The following LARGE1 variants were observed in gnomAD, a reference collection of about 807,000 sequenced individuals.
LARGE1 encodes xylosyl- and glucuronyltransferase LARGE1.
Under a neutral mutation model 87.6 loss-of-function variants are expected in LARGE1, and 43 were observed. The ratio of observed to expected loss-of-function variants is 0.49; its 90% CI spans 0.38 to 0.63. The LOEUF (loss-of-function observed/expected upper bound fraction) is 0.63. Among genes scored for constraint, LARGE1 ranks in the 30% least tolerant of loss-of-function variants. The pLI is 0.00. For synonymous variants in LARGE1, 434 were observed against 394.6 expected, an observed-to-expected ratio of 1.10 and a Z score of -1.18; for missense variants, 802 against 1,000.2, an observed-to-expected ratio of 0.80 and a Z score of 2.67.
At chr22:33,456,496 T>C (rs2068136502) in intron 6 of LARGE1, among the ~76,000 whole-genome samples, 1 of 152,260 alleles carries the variant, frequency 6.6e-6, no homozygotes, top group Admixed American at 6.5e-5. Context: ...CATCAAAGCA[T>C]GGAATAAGGC....
At chr22:33,733,064 C>G (rs942661608) in intron 2 of LARGE1, 2 of 152,246 alleles carry the variant, frequency 1.3e-5, no homozygotes, top group Non-Finnish European at 2.9e-5. Flanking sequence ...ATTTACCATT[C>G]TGCTCATGAA....
At chr22:33,316,331 C>A (rs1029238298) in intron 10 of LARGE1, 83 bp from the exon 11 acceptor site, 6 of 1,400,304 alleles carry the variant, frequency 4.3e-6, no homozygotes, top group Non-Finnish European at 4.9e-6. Context: ...CCCTGCCCTC[C>A]CCTGAGTTTA....
intron 11 of LARGE1, among the ~76,000 whole-genome samples, chr22:33,202,859 C>G (rs562056831): frequency 1.3e-5 from 2 of 152,138 alleles, no homozygotes; most frequent in African/African-American, 2.4e-5. Context: ...GTGGAAAAGA[C>G]AGCACCTAAA....
chr22:33,103,023 C>T, the LARGE1 span, among the ~76,000 whole-genome samples: 9 of 152,102 alleles, frequency 5.9e-5, no homozygotes, highest in South Asian at 2.1e-4. Flanking sequence ...GGATCTCCCG[C>T]GGCCCCTGCC....
chr22:33,286,527 A>G lies in LARGE1; in HGVS notation c.1731-3179T>C, dbSNP rs185097815. On this transcript the variant is annotated intron_variant, in intron 12 of 14. Coordinates refer to ENST00000397394, the MANE Select transcript of LARGE1 (RefSeq NM_133642.5). ...CCAGGCACTTGAAGATACAGGGTGA[A>G]AAGAACAAGCAAAGTCTCTGCCCGC... Among the ~76,000 whole-genome samples the G allele has an allele frequency of 3.9e-5, 6 of 152,326 alleles. No individual in the cohort carries two copies. In the East Asian group the frequency reaches 1.2e-3, roughly 29 times the overall value.
At chr22:33,604,590 GGA>G (rs760287576) in intron 4 of LARGE1, 32 bp from the exon 5 acceptor site, 1 of 1,613,756 alleles carries the variant, frequency 6.2e-7, no homozygotes, top group Non-Finnish European at 8.5e-7. Context: ...AGGGTCAGGT[GGA>G]GAGGTACGGC....
chr22:33,538,245 A>G lies in LARGE1; in HGVS notation c.787+26603T>C, dbSNP rs555487778. On this transcript the variant is annotated intron_variant, in intron 6 of 14. Transcript: ENST00000397394. ...CCCAAGTGGAAGTAACTCTCCTTCA[A>G]CTATGCCTGCACCATGCTTTTGGAA... Among the ~76,000 whole-genome samples, 5 of 152,276 alleles carry G rather than the reference A, an allele frequency of 3.3e-5. No homozygotes were observed. The South Asian group carries it at 8.3e-4, about 25-fold the overall frequency.
intron 11 of LARGE1, among the ~76,000 whole-genome samples, chr22:33,306,829 G>A (rs1276263764): frequency 1.4e-5 from 2 of 145,866 alleles, no homozygotes; most frequent in African/African-American, 2.6e-5. Flanking sequence ...AGCTGAGATC[G>A]CACCATTGCA....
chr22:33,414,282 T>C (rs979322359), intron 7 of LARGE1, among the ~76,000 whole-genome samples: 2 of 152,138 alleles, frequency 1.3e-5, no homozygotes, highest in African/African-American at 2.4e-5. Context: ...AGGCAAAGAA[T>C]AGAATCATGA....
In LARGE1 at chr22:33,762,253, A is replaced by T. The variant is rs1336333074; in HGVS notation, c.-82-695T>A. 2.7e-5 allele frequency among the ~76,000 whole-genome samples: 4 copies of T among 145,484 alleles called. No homozygotes were observed. In the East Asian group the frequency reaches 8.6e-4, roughly 31 times the overall value. On this transcript the variant is annotated intron_variant, in intron 1 of 14. Coordinates refer to ENST00000397394, the MANE Select transcript of LARGE1 (RefSeq NM_133642.5). Reference sequence around the variant, plus strand: ...AAAAAAAAAAAAAAGACTAGACCAGAGGATGGATTCAAAAAGTGTAGTCTA... The same window carrying T: ...AAAAAAAAAAAAAAGACTAGACCAGTGGATGGATTCAAAAAGTGTAGTCTA...
chr22:33,448,757 C>T (rs959060056), intron 6 of LARGE1, among the ~76,000 whole-genome samples: 3 of 152,144 alleles, frequency 2.0e-5, no homozygotes, highest in Admixed American at 6.6e-5. Context: ...ATTGAAGTAC[C>T]GTACAACTCA....
At chr22:33,369,220 C>T (rs2064712348) in intron 9 of LARGE1, among the ~76,000 whole-genome samples, 1 of 152,130 alleles carries the variant, frequency 6.6e-6, no homozygotes, top group African/African-American at 2.4e-5. Context: ...TGAACATTAC[C>T]AAAATGTCAC....
At chr22:33,513,808 G>A (rs1265840148) in intron 6 of LARGE1, among the ~76,000 whole-genome samples, 1 of 71,322 alleles carries the variant, frequency 1.4e-5, no homozygotes, top group Non-Finnish European at 3.1e-5. Context: ...CTTAAGAGCT[G>A]ATGTACACAC....
chr22:33,103,819 T>G, the LARGE1 span, among the ~76,000 whole-genome samples: 1 of 152,292 alleles, frequency 6.6e-6, no homozygotes, highest in Admixed American at 6.5e-5. Context: ...AGGAGATAAT[T>G]GAATCATGGG....
At chr22:33,670,705 A>G (rs77036935) in intron 2 of LARGE1, among the ~76,000 whole-genome samples, 4,099 of 152,298 alleles carry the variant, frequency 0.027, 152 homozygotes, top group African/African-American at 0.085. Flanking sequence ...ATGATAAAAA[A>G]CAATAACTGC....
intron 1 of LARGE1, among the ~76,000 whole-genome samples, chr22:33,823,885 G>C (rs2062707154): frequency 6.6e-6 from 1 of 152,118 alleles, no homozygotes; most frequent in East Asian, 1.9e-4. Flanking sequence ...AGTTACCCGA[G>C]AGCACCACCC....
chr22:33,719,694 A>C (rs1057307222), intron 2 of LARGE1, among the ~76,000 whole-genome samples: 5 of 151,638 alleles, frequency 3.3e-5, no homozygotes, highest in Non-Finnish European at 7.4e-5. Flanking sequence ...CTAATTTTTT[A>C]TATTTTTAGT....
intron 2 of LARGE1, among the ~76,000 whole-genome samples, chr22:33,701,639 A>G (rs2082406437): frequency 6.6e-6 from 1 of 152,210 alleles, no homozygotes; most frequent in African/African-American, 2.4e-5. Flanking sequence ...GTAGTGGAAG[A>G]GAAGGCCAAA....
intron 11 of LARGE1, among the ~76,000 whole-genome samples, chr22:33,168,031 A>C (rs1354513648): frequency 6.6e-6 from 1 of 152,182 alleles, no homozygotes; most frequent in Non-Finnish European, 1.5e-5. Context: ...TTCTTAAGAC[A>C]AAAGTCTTTT....
Sources: gnomAD v4.1 joint callset for allele counts (sites outside exome capture counted in the v4.1 genomes callset) on GRCh38, gnomAD v4.1.1 for gene constraint, MANE v1.5 for transcripts, NCBI Gene and HGNC (gene_info 2026-07-23, HGNC 2026-07-21) for gene names.